The following NRCAM variants were observed in gnomAD, a reference collection of about 807,000 sequenced individuals.
NRCAM encodes neuronal cell adhesion molecule.
A neutral mutation model predicts 156.5 loss-of-function variants in NRCAM; 83 were observed. The observed-to-expected ratio is 0.53, with a 90% CI of 0.44 to 0.64. The LOEUF (loss-of-function observed/expected upper bound fraction) is 0.64. Among genes scored for constraint, NRCAM ranks in the 30% least tolerant of loss-of-function variants. NRCAM has a pLI of 0.00. For synonymous variants in NRCAM, 538 were observed against 563.9 expected (o/e 0.95, Z 0.65); for missense variants, 1,417 against 1,597.3 (o/e 0.89, Z 1.92).
intron 2 of NRCAM, among the ~76,000 whole-genome samples, chr7:108,350,895 A>T (rs2099407522): frequency 6.6e-6 from 1 of 152,034 alleles, no homozygotes; most frequent in Non-Finnish European, 1.5e-5. Context: ...GTTGATTGGG[A>T]TCCCCAATAG....
intron 3 of NRCAM, among the ~76,000 whole-genome samples, chr7:108,270,510 CTT>C (rs947647339): frequency 6.7e-6 from 1 of 149,110 alleles, no homozygotes; most frequent in African/African-American, 2.5e-5. Flanking sequence ...TAGTAACAGA[CTT>C]TTTTTTTTAA....
At chr7:108,417,431 A>T (rs1457788483) in intron 1 of NRCAM, among the ~76,000 whole-genome samples, 1 of 152,184 alleles carries the variant, frequency 6.6e-6, no homozygotes, top group Non-Finnish European at 1.5e-5. Context: ...TCCTTTTATA[A>T]TAACAACAAT....
chr7:108,191,800 C>G lies in NRCAM; in HGVS notation c.1832G>C (p.Ser611Thr). 1 of 1,613,710 alleles carries G rather than the reference C, an allele frequency of 6.2e-7. No individual in the cohort carries two copies. The highest frequency in any genetic ancestry group is 8.5e-7 in the Non-Finnish European group (1 of 1,179,908). Residue 611 changes from serine to threonine, a missense_variant, in exon 18 of 33, where the codon AGC becomes ACC. Physicochemically the swap from Ser to Thr is moderately conservative, Grantham distance 58. This residue lies in a region of NRCAM where 1,238 missense variants were observed against 1,336.4 expected (regional missense o/e 0.93). Coordinates refer to ENST00000379028, the MANE Select transcript of NRCAM (RefSeq NM_001037132.4). ...GTTGGCCACACACGTGTAGGTCCCG[C>G]TGTCATCGTCACTGACATCAGCTAC... ...LVVADVSDDD[S>T]GTYTCVANTT...
In NRCAM at chr7:108,189,637, C is replaced by A; in HGVS notation, c.2035+8G>T. On this transcript the variant is annotated splice_region_variant and intron_variant, in intron 20 of 32. Transcript: ENST00000379028. The stretch of plus-strand genomic sequence containing the variant: ...TTGATCGGAAATAGAGCAAATAATA[C>A]CACATACTTGTAATGGGGCTATTGT... 1.7e-6 allele frequency: 2 copies of A among 1,148,252 alleles called. No homozygotes were observed. The highest frequency in any genetic ancestry group is 1.2e-5 in the South Asian group (1 of 80,158). 71.1% of individuals were successfully genotyped at this position (1,148,252 alleles called of 1,614,324 possible).
intron 2 of NRCAM, among the ~76,000 whole-genome samples, chr7:108,334,688 T>A (rs1171870928): frequency 6.6e-6 from 1 of 152,134 alleles, no homozygotes. Context: ...AAAGCCAACA[T>A]GGGGGCATGG....
At chr7:108,452,963 A>G (rs182726105) in intron 1 of NRCAM, among the ~76,000 whole-genome samples, 8 of 152,294 alleles carry the variant, frequency 5.3e-5, no homozygotes, top group Admixed American at 5.2e-4. Context: ...CCTTGATCTG[A>G]GTGCTAGTTA....
intron 3 of NRCAM, among the ~76,000 whole-genome samples, chr7:108,280,603 A>T (rs886745628): frequency 1.2e-4 from 19 of 152,238 alleles, no homozygotes; most frequent in African/African-American, 4.3e-4. Flanking sequence ...GATGAGATTA[A>T]CCTAGAACTC....
intron 2 of NRCAM, among the ~76,000 whole-genome samples, chr7:108,348,905 G>GAAAA (rs60746037): frequency 7.9e-6 from 1 of 126,350 alleles, no homozygotes. Context: ...TCCATCTCAG[G>GAAAA]AAAAAAAAAA....
chr7:108,159,565 ATTATCTGT>A, intron 31 of NRCAM, 24 bp from the exon 32 acceptor site: 1 of 1,553,516 alleles, frequency 6.4e-7, no homozygotes, highest in Non-Finnish European at 8.9e-7. Context: ...AAATGGTATT[ATTATCTGT>A]TGATCCTGTT....
intron 2 of NRCAM, among the ~76,000 whole-genome samples, chr7:108,398,355 G>A (rs549648113): frequency 3.3e-5 from 5 of 151,920 alleles, no homozygotes; most frequent in Non-Finnish European, 7.4e-5. Context: ...TTCTCTATTC[G>A]ATGCTGCTTC....
chr7:108,285,190 A>G (rs1167564694), intron 3 of NRCAM, among the ~76,000 whole-genome samples: 1 of 152,188 alleles, frequency 6.6e-6, no homozygotes, highest in African/African-American at 2.4e-5. Flanking sequence ...ACTGAATAAC[A>G]GATTGTGTCA....
intron 31 of NRCAM, among the ~76,000 whole-genome samples, chr7:108,159,911 T>A (rs2047851763): frequency 6.6e-6 from 1 of 152,140 alleles, no homozygotes; most frequent in African/African-American, 2.4e-5. Flanking sequence ...GGGAAAATGG[T>A]CAGGTAAAGA....
At chr7:108,227,179 G>A (rs74401950) in intron 8 of NRCAM, among the ~76,000 whole-genome samples, 1,786 of 152,248 alleles carry the variant, frequency 0.012, 26 homozygotes, top group African/African-American at 0.04. Flanking sequence ...GGCCCTTCAC[G>A]GGGCTCCTTT....
intron 19 of NRCAM, among the ~76,000 whole-genome samples, chr7:108,190,597 T>G (rs975673266): frequency 1.3e-5 from 2 of 152,312 alleles, no homozygotes; most frequent in Admixed American, 1.3e-4. Context: ...AAAAATTGAT[T>G]TTTGTATTGA....
intron 4 of NRCAM, 73 bp downstream of exon 4, chr7:108,239,886 C>G: frequency 1.1e-6 from 1 of 890,958 alleles, no homozygotes. Context: ...TCCATTCACG[C>G]AGTTCAGAGT....
chr7:108,397,491 C>G (rs538568348), intron 2 of NRCAM, among the ~76,000 whole-genome samples: 1 of 152,268 alleles, frequency 6.6e-6, no homozygotes, highest in South Asian at 2.1e-4. Context: ...TGGACTTGCT[C>G]TCAAACAGTG....
Position 108,181,808 on chromosome 7 carries a change from C to A in NRCAM, c.2646+14G>T, listed in dbSNP as rs777683243. The A allele has an allele frequency of 6.3e-7, 1 of 1,585,102 alleles. No homozygotes were observed. Among genetic ancestry groups the A allele is most frequent in the Admixed American group, 1.7e-5 (1 of 59,824 alleles). ...CTTACTAAATAAAGCCACAAAAGGT[C>A]CCCTTTCACTTGCCCGATAGCCTTG... is the stretch of plus-strand genomic sequence containing the variant. On this transcript the variant is annotated intron_variant, in intron 24 of 32. Coordinates refer to ENST00000379028, the MANE Select transcript of NRCAM (RefSeq NM_001037132.4).
chr7:108,276,328 T>G (rs765118481), intron 3 of NRCAM, among the ~76,000 whole-genome samples: 1 of 152,182 alleles, frequency 6.6e-6, no homozygotes, highest in African/African-American at 2.4e-5. Context: ...ATATTCACAG[T>G]GGGGTGTTAA....
rs28457047 is a variant in NRCAM, at chr7:108,254,058, A to C, written c.-106-13888T>G. ...ATAGTTTTTCAATCCTTGGCATAAA[A>C]CATAAGAGAATATCTCGCAACCTTA... On this transcript the variant is annotated intron_variant, in intron 3 of 32. Coordinates refer to ENST00000379028, the MANE Select transcript of NRCAM (RefSeq NM_001037132.4). Among the ~76,000 whole-genome samples, 591 of 152,340 alleles carry C rather than the reference A, an allele frequency of 3.9e-3. 5 individuals carry two copies. The highest frequency in any genetic ancestry group is 0.014 in the African/African-American group (568 of 41,566).
Sources: allele counts gnomAD v4.1 joint callset (sites outside exome capture counted in the v4.1 genomes callset), GRCh38; gene constraint gnomAD v4.1.1; regional missense constraint gnomAD v4.1.1; transcripts MANE v1.5; gene names NCBI Gene and HGNC (gene_info 2026-07-23, HGNC 2026-07-21).